Variants in PGLYRP2 observed in about 807,000 individuals in gnomAD.
PGLYRP2 encodes N-acetylmuramoyl-L-alanine amidase.
In PGLYRP2, 38 loss-of-function variants were observed where a neutral mutation model predicts 46.2. That is an observed-to-expected ratio of 0.82 (90% CI 0.64 to 1.08). The LOEUF (loss-of-function observed/expected upper bound fraction) is 1.08. PGLYRP2 is among the 50% of genes least tolerant of loss of function. The pLI is 0.00. For synonymous variants in PGLYRP2, 289 were observed against 329.4 expected (o/e 0.88, Z 1.33); for missense variants, 713 against 755.9 (o/e 0.94, Z 0.67).
At position 15,479,245 on chromosome 19, in the gene PGLYRP2, T is replaced by C. The variant is rs144264823; in HGVS notation, c.61+66A>G. The C allele has an allele frequency of 1.7e-3, 2,627 of 1,540,412 alleles. 41 individuals carry two copies. The African/African-American group carries it at 0.03, about 18-fold the overall frequency. On this transcript the variant is annotated intron_variant, in intron 1 of 4. Coordinates refer to ENST00000340880, the MANE Select transcript of PGLYRP2 (RefSeq NM_052890.4). ...CACTCCATGCAGGGCAAGACATAGA[T>C]GGGACAGCAGTACGCCTTCTGCAGA... is the stretch of plus-strand genomic sequence containing the variant.
In PGLYRP2 at chr19:15,476,218, G is replaced by A. The variant is rs776692422; in HGVS notation, c.452C>T (p.Thr151Ile). Residue 151 changes from threonine to isoleucine, a missense_variant, in exon 2 of 5, where the codon ACT (threonine) becomes ATT (isoleucine). Coordinates refer to ENST00000340880, the MANE Select transcript of PGLYRP2 (RefSeq NM_052890.4). Reference protein sequence around the residue: ...PLDSMAAPWETGDTFPDVVAI... With the variant: ...PLDSMAAPWEIGDTFPDVVAI... ...CACAACATCTGGAAAGGTATCTCCA[G>A]TCTCCCAAGGGGCAGCCATGCTGTC... 9.3e-6 allele frequency: 15 copies of A among 1,614,058 alleles called. No homozygotes were observed. The highest frequency in any genetic ancestry group is 1.7e-5 in the Admixed American group (1 of 59,984).
rs1970725694 is a variant in PGLYRP2, at chr19:15,469,705, C to T, written c.1568G>A (p.Arg523His). ...LRPDYALLGH[R>H]QLVRTDCPGD... ...GGGGCAGTCGGTGCGCACCAGCTGG[C>T]GGTGGCCCAGCAGCGCGTAGTCTGG... Residue 523 changes from arginine to histidine, a missense_variant, in exon 4 of 5, where the codon CGC becomes CAC. By Grantham distance (29) the Arg-to-His change is conservative. Transcript: ENST00000340880. The surrounding 1 kb of genome is among the most constrained non-coding windows in gnomAD (Gnocchi z 4.9). 6.6e-7 allele frequency: 1 copy of T among 1,514,232 alleles called. No individual in the cohort carries two copies. Among genetic ancestry groups the T allele is most frequent in the African/African-American group, 1.4e-5 (1 of 72,402 alleles). 93.8% of individuals were successfully genotyped at this position (1,514,232 alleles called of 1,614,324 possible).
intron 1 of PGLYRP2, among the ~76,000 whole-genome samples, chr19:15,478,805 A>G (rs1970820471): frequency 6.6e-6 from 1 of 151,952 alleles, no homozygotes; most frequent in Non-Finnish European, 1.5e-5. Flanking sequence ...TATTTTTAGT[A>G]GAGATGGGGT....
chr19:15,469,495 T>C lies in PGLYRP2; in HGVS notation c.1641+137A>G, dbSNP rs1448860898. On this transcript the variant is annotated intron_variant, in intron 4 of 4. Transcript: ENST00000340880. This position sits in a 1 kb window ranked among gnomAD's most constrained non-coding sequence, Gnocchi z 4.9. The stretch of plus-strand genomic sequence containing the variant: ...AAAGGCTGGGCCTAGGTTTCCTGAA[T>C]AGACGTGCCGCCGGGAAGTTGGGGG... 1 of 1,236,880 alleles carries C rather than the reference T, an allele frequency of 8.1e-7. No homozygotes were observed. The highest frequency in any genetic ancestry group is 1.3e-5 in the South Asian group (1 of 78,222). The allele number at this position is 1,236,880 out of a possible 1,614,324, so 76.6% of individuals were successfully genotyped here.
rs28404490 is a variant in PGLYRP2 at position 15,475,900 on chromosome 19, G to T, written c.770C>A (p.Thr257Asn). The change falls in exon 2 of 5, where the codon ACC (threonine) becomes AAC (asparagine). Residue 257 changes from threonine (T) to asparagine (N), a missense_variant. Coordinates refer to ENST00000340880, the MANE Select transcript of PGLYRP2 (RefSeq NM_052890.4). The part of the protein sequence containing the change: ...GCWDQLSAPR[T>N]FTLLDPKASL... ...TGCCTTGGGGTCCAAAAGCGTAAAG[G>T]TCCGAGGGGCAGAGAGCTGGTCCCA... The T allele has an allele frequency of 5.9e-3, 9,588 of 1,614,098 alleles. 535 individuals are homozygous for T. The African/African-American group carries it at 0.12, about 19-fold the overall frequency.
Position 15,472,044 on chromosome 19 carries a change from G to C in PGLYRP2, c.1189C>G (p.Pro397Ala). The change falls in exon 3 of 5, where the codon CCG (proline) becomes GCG (alanine). Residue 397 changes from proline (P) to alanine (A), a missense_variant. Pro to Ala is a conservative substitution (Grantham distance 27). Transcript: ENST00000340880. ...CCCAGCGGCAGCTGCAGCAGCTTCG[G>C]GCGGCCCCGATAAGGCGCCGCTCCC... Reference protein sequence around the residue: ...RWGAAPYRGRPKLLQLPLGFL... With the variant: ...RWGAAPYRGRAKLLQLPLGFL... 1 of 1,611,130 alleles carries C rather than the reference G, an allele frequency of 6.2e-7. No individual in the cohort carries two copies.
At position 15,469,884 on chromosome 19, in the gene PGLYRP2, C is replaced by T; in HGVS notation, c.1389G>A (p.Trp463Ter). The change falls in exon 4 of 5, where the codon TGG (tryptophan) becomes TGA (stop). Residue 463 changes from tryptophan (W) to a stop codon, truncating the protein, a stop_gained. Transcript: ENST00000340880. LOFTEE classifies it high-confidence loss of function. The surrounding 1 kb of genome is among the most constrained non-coding windows in gnomAD (Gnocchi z 4.9). ...SDGYVYEGRG[W>*]HWVGAHTLGH... is the part of the protein sequence containing the mutation. The stretch of plus-strand genomic sequence containing the variant: ...CGAGCGTGTGGGCGCCCACCCAGTG[C>T]CAGCCGCGTCCCTCGTACACGTAGC... 1 of 1,478,420 alleles carries T rather than the reference C, an allele frequency of 6.8e-7. No homozygotes were observed. Among genetic ancestry groups the T allele is most frequent in the Non-Finnish European group, 8.9e-7 (1 of 1,124,192 alleles). The allele number at this position is 1,478,420 out of a possible 1,614,324, so 91.6% of individuals were successfully genotyped here.
chr19:15,473,470 C>CAAAA (rs56053684), intron 2 of PGLYRP2, among the ~76,000 whole-genome samples: 3 of 36,478 alleles, frequency 8.2e-5, no homozygotes, highest in Non-Finnish European at 1.4e-4. Flanking sequence ...AACTCTGTCT[C>CAAAA]AAAAAAAAAA....
rs755294160 is a variant in PGLYRP2, at chr19:15,475,899, G to C, written c.771C>G (p.Thr257=). 1.2e-6 allele frequency: 2 copies of C among 1,614,144 alleles called. No homozygotes were observed. The highest frequency in any genetic ancestry group is 1.7e-6 in the Non-Finnish European group (2 of 1,180,022). ...GCWDQLSAPR[T]FTLLDPKASL... ...ATGCCTTGGGGTCCAAAAGCGTAAA[G>C]GTCCGAGGGGCAGAGAGCTGGTCCC... The change falls in exon 2 of 5, where the codon ACC becomes ACG. Residue 257 remains threonine (T), a synonymous_variant. Coordinates refer to ENST00000340880, the MANE Select transcript of PGLYRP2 (RefSeq NM_052890.4).
intron 2 of PGLYRP2, among the ~76,000 whole-genome samples, chr19:15,473,466 G>A (rs1039499439): frequency 1.4e-4 from 4 of 28,080 alleles, no homozygotes; most frequent in African/African-American, 5.4e-4. Context: ...CAAAAACTCT[G>A]TCTCAAAAAA....
At chr19:15,478,241 G>A (rs796561232) in intron 1 of PGLYRP2, among the ~76,000 whole-genome samples, 1 of 152,172 alleles carries the variant, frequency 6.6e-6, no homozygotes, top group African/African-American at 2.4e-5. Flanking sequence ...CAGCTACTTG[G>A]GGGGCTGAGG....
At position 15,479,394 on chromosome 19, in the gene PGLYRP2, A is replaced by AG; in HGVS notation, c.-24dup. The AG allele has an allele frequency of 6.2e-7, 1 of 1,612,910 alleles. No individual in the cohort carries two copies. Among genetic ancestry groups the AG allele is most frequent in the African/African-American group, 1.3e-5 (1 of 74,988 alleles). On this transcript the variant is annotated 5_prime_UTR_variant, in exon 1 of 5. Coordinates refer to ENST00000340880, the MANE Select transcript of PGLYRP2 (RefSeq NM_052890.4). Reference sequence around the variant, plus strand: ...CATTGTTGCAGGATTCCAGCTTCCAAGGGGTATTTCTGGTTGGCCTCGGCA... The same window carrying AG: ...CATTGTTGCAGGATTCCAGCTTCCAAGGGGGTATTTCTGGTTGGCCTCGGCA...
chr19:15,470,274 T>TTCCC lies in PGLYRP2; in HGVS notation c.1344-346_1344-345insGGGA, dbSNP rs1970734274. ...CTTCCTTCCTTCCTTCCTTCCTTCC[T>TTCCC]TCCTTCCTTCCTTCCTTCCTTCTTT... On this transcript the variant is annotated intron_variant, in intron 3 of 4. Transcript: ENST00000340880. Among the ~76,000 whole-genome samples, 2 of 129,992 alleles carry TTCCC rather than the reference T, an allele frequency of 1.5e-5. 1 individual carries two copies. Among genetic ancestry groups the TTCCC allele is most frequent in the African/African-American group, 6.2e-5 (2 of 32,290 alleles). 85.3% of individuals were successfully genotyped at this position (129,992 alleles called of 152,430 possible). A position where few individuals can be genotyped will look rare whatever the true frequency, so the allele number is the denominator to read the frequency against.
At position 15,479,448 on chromosome 19, in the gene PGLYRP2, A is replaced by G. The variant is rs1348296772; in HGVS notation, c.-77T>C. ...AACCTCGGCAGTGCTGGAGGGAGACAGGCACAGAGAACTGAGCAGAGCCTT... is the reference window on the plus strand; with the variant it reads ...AACCTCGGCAGTGCTGGAGGGAGACGGGCACAGAGAACTGAGCAGAGCCTT... On this transcript the variant is annotated 5_prime_UTR_variant, in exon 1 of 5. Transcript: ENST00000340880. 2.9e-6 allele frequency: 4 copies of G among 1,401,268 alleles called. No individual in the cohort carries two copies. The highest frequency in any genetic ancestry group is 1.9e-5 in the Admixed American group (1 of 52,662). 86.8% of individuals were successfully genotyped at this position (1,401,268 alleles called of 1,614,324 possible).
At chr19:15,478,311 C>T (rs937379223) in intron 1 of PGLYRP2, among the ~76,000 whole-genome samples, 2 of 152,110 alleles carry the variant, frequency 1.3e-5, no homozygotes, top group African/African-American at 4.8e-5. Flanking sequence ...CATGCTGCTG[C>T]ACTCCAGCCT....
In PGLYRP2 at chr19:15,469,694, G is replaced by A. The variant is rs748193839; in HGVS notation, c.1579C>T (p.Arg527Cys). Residue 527 changes from arginine to cysteine, a missense_variant, in exon 4 of 5, where the codon CGC (arginine) becomes TGC (cysteine). Transcript: ENST00000340880. This position sits in a 1 kb window ranked among gnomAD's most constrained non-coding sequence, Gnocchi z 4.9. ...AGCGCGTCGCCGGGGCAGTCGGTGCGCACCAGCTGGCGGTGGCCCAGCAGC... is the reference window on the plus strand; with the variant it reads ...AGCGCGTCGCCGGGGCAGTCGGTGCACACCAGCTGGCGGTGGCCCAGCAGC... ...YALLGHRQLV[R>C]TDCPGDALFD... 17 of 1,524,284 alleles carry A rather than the reference G, an allele frequency of 1.1e-5. No individual in the cohort carries two copies. In the African/African-American group the frequency reaches 2.3e-4, roughly 21 times the overall value. 94.4% of individuals were successfully genotyped at this position (1,524,284 alleles called of 1,614,324 possible).
At chr19:15,470,442 A>G (rs7248655) in intron 3 of PGLYRP2, among the ~76,000 whole-genome samples, 114,900 of 150,892 alleles carry the variant, frequency 0.76, 44,223 homozygotes, top group African/African-American at 0.88. Flanking sequence ...GATTACAGGC[A>G]CCCGCCACCA....
intron 1 of PGLYRP2, among the ~76,000 whole-genome samples, chr19:15,477,982 G>C (rs556107710): frequency 6.6e-6 from 1 of 152,262 alleles, no homozygotes; most frequent in East Asian, 1.9e-4. Flanking sequence ...TTGTGAGGTA[G>C]GTCCTTTTAG....
rs555569576 is a variant in PGLYRP2, at chr19:15,475,725, G to C, written c.945C>G (p.Arg315=). The C allele has an allele frequency of 5.0e-6, 8 of 1,614,044 alleles. No individual in the cohort carries two copies. The Admixed American group carries it at 1.2e-4, about 24-fold the overall frequency. ...CACCGTTCTGCCGTCGGAAGTTGCT[G>C]CGGAACCCTGGGTCTCTGGCCACCC... ...GAGVARDPGF[R]SNFRRQNGAA... Residue 315 remains arginine (R), a synonymous_variant, in exon 2 of 5, where the codon CGC becomes CGG. Coordinates refer to ENST00000340880, the MANE Select transcript of PGLYRP2 (RefSeq NM_052890.4).
Sources: gnomAD v4.1 joint callset for allele counts (sites outside exome capture counted in the v4.1 genomes callset) on GRCh38, gnomAD v4.1.1 for gene constraint, Gnocchi (gnomAD v3.1) non-coding constraint, MANE v1.5 for transcripts, NCBI Gene and HGNC (gene_info 2026-07-23, HGNC 2026-07-21) for gene names.